Variants in POU2F3 observed in about 807,000 individuals in gnomAD.
POU2F3 encodes POU domain, class 2, transcription factor 3.
A neutral mutation model predicts 59.2 loss-of-function variants in POU2F3; 23 were observed. The ratio of observed to expected loss-of-function variants is 0.39; its 90% CI spans 0.28 to 0.55. POU2F3 has a LOEUF of 0.55. Among genes scored for constraint, POU2F3 ranks in the 20% least tolerant of loss-of-function variants. The pLI is 0.66. For synonymous variants in POU2F3, 190 were observed against 214.6 expected, an observed-to-expected ratio of 0.89 and a Z score of 1.00; for missense variants, 473 against 544.5, an observed-to-expected ratio of 0.87 and a Z score of 1.31.
chr11:120,289,450 A>G (rs1940943499), intron 3 of POU2F3, among the ~76,000 whole-genome samples: 1 of 152,150 alleles, frequency 6.6e-6, no homozygotes, highest in South Asian at 2.1e-4. Flanking sequence ...AACTAAAACT[A>G]AAATCTCACT....
At chr11:120,296,200 T>C (rs1941187599) in intron 3 of POU2F3, among the ~76,000 whole-genome samples, 1 of 152,206 alleles carries the variant, frequency 6.6e-6, no homozygotes, top group African/African-American at 2.4e-5. Context: ...CAGCATTCAA[T>C]GCACATCTTC....
intron 2 of POU2F3, among the ~76,000 whole-genome samples, chr11:120,257,722 A>G (rs2135160387): frequency 6.6e-6 from 1 of 152,254 alleles, no homozygotes; most frequent in East Asian, 1.9e-4. Context: ...CTCAGTGGTA[A>G]CACAGGATTT....
chr11:120,302,994 C>G (rs1941391431), intron 6 of POU2F3: 1 of 152,432 alleles, frequency 6.6e-6, no homozygotes, highest in African/African-American at 2.4e-5. Context: ...GCAGCATGAG[C>G]TGTATCTTAG....
chr11:120,294,194 T>C lies in POU2F3; in HGVS notation c.133-4071T>C, dbSNP rs11217798. On this transcript the variant is annotated intron_variant, in intron 3 of 12. Coordinates refer to ENST00000543440, the MANE Select transcript of POU2F3 (RefSeq NM_014352.4). ...AATCATCCCTGATACATTTTTACCT[T>C]CCTGGTCACTGCCCAAGACTCAGTG... 0.033 allele frequency among the ~76,000 whole-genome samples: 5,091 copies of C among 152,298 alleles called. 1,273 individuals carry two copies. In the East Asian group the frequency reaches 0.66, roughly 20 times the overall value.
At chr11:120,306,634 G>A (rs1019829839) in intron 8 of POU2F3, among the ~76,000 whole-genome samples, 2 of 152,148 alleles carry the variant, frequency 1.3e-5, no homozygotes, top group Non-Finnish European at 2.9e-5. Context: ...AGAACTGCCG[G>A]CCTAGGCAGA....
At chr11:120,260,824 T>A (rs191805452) in intron 2 of POU2F3, among the ~76,000 whole-genome samples, 137 of 152,174 alleles carry the variant, frequency 9.0e-4, no homozygotes, top group Non-Finnish European at 1.3e-3. Flanking sequence ...TCCCAGCACT[T>A]TGGGATGCCG....
chr11:120,236,691 T>C (rs189258763), upstream of POU2F3: 445 of 1,505,800 alleles, frequency 3.0e-4, no homozygotes, highest in African/African-American at 5.7e-3. Flanking sequence ...CTCCAAGAAC[T>C]GCTAAAGGAG....
At chr11:120,291,816 T>C (rs1261736045) in intron 3 of POU2F3, among the ~76,000 whole-genome samples, 3 of 150,380 alleles carry the variant, frequency 2.0e-5, no homozygotes, top group South Asian at 4.2e-4. Flanking sequence ...CTTTTTTCTT[T>C]TTTTTTTTTT....
Position 120,269,230 on chromosome 11 carries a change from G to C in POU2F3, c.118G>C (p.Asp40His), listed in dbSNP as rs772898591. 1.3e-6 allele frequency: 2 copies of C among 1,589,812 alleles called. No homozygotes were observed. Among genetic ancestry groups the C allele is most frequent in the African/African-American group, 1.3e-5 (1 of 74,426 alleles). ...TCTAGGAAATGATCGAAATGGCCTA[G>C]ATTTCAACAGGCAGGTAAGAACTTG... ...VEPGNDRNGLDFNRQIKTEDL... is the reference protein window; with the variant it reads ...VEPGNDRNGLHFNRQIKTEDL... The change falls in exon 3 of 13, where the codon GAT becomes CAT. Residue 40 changes from aspartate (D) to histidine (H), a missense_variant. Transcript: ENST00000543440.
At chr11:120,315,477 A>T (rs1156804476) in intron 11 of POU2F3, 50 bp downstream of exon 11, 2 of 1,542,376 alleles carry the variant, frequency 1.3e-6, no homozygotes, top group African/African-American at 2.7e-5. Flanking sequence ...CTTTTAAAAA[A>T]TGGGATATTA....
Position 120,316,028 on chromosome 11 carries a change from A to T in POU2F3, c.1135+601A>T, listed in dbSNP as rs900783794. ...ACTGGGATTACAGGCGTGTGCCACCACGCTCGGCTGATTTTTTGTATTTTT... is the reference window on the plus strand; with the variant it reads ...ACTGGGATTACAGGCGTGTGCCACCTCGCTCGGCTGATTTTTTGTATTTTT... On this transcript the variant is annotated intron_variant, in intron 11 of 12. Coordinates refer to ENST00000543440, the MANE Select transcript of POU2F3 (RefSeq NM_014352.4). 5.3e-5 allele frequency among the ~76,000 whole-genome samples: 8 copies of T among 151,928 alleles called. No homozygotes were observed. The South Asian group carries it at 1.7e-3, about 32-fold the overall frequency.
chr11:120,247,878 T>G (rs1285936984), intron 2 of POU2F3, among the ~76,000 whole-genome samples: 1 of 152,198 alleles, frequency 6.6e-6, no homozygotes, highest in African/African-American at 2.4e-5. Context: ...TGGGGCCCAT[T>G]GCCCAGGTGT....
intron 3 of POU2F3, among the ~76,000 whole-genome samples, chr11:120,290,754 A>G (rs1940990747): frequency 6.6e-6 from 1 of 152,222 alleles, no homozygotes; most frequent in Non-Finnish European, 1.5e-5. Flanking sequence ...TTCTTGAGCT[A>G]ATGCTCCTGT....
In POU2F3 at chr11:120,315,372, A is replaced by G; in HGVS notation, c.1080A>G (p.Ser360=). The stretch of plus-strand genomic sequence containing the variant: ...CTGTTGTTTTTCAGGTATCTCCCTC[A>G]GGGTCTCTGGGCCCCCTCTCTGTCC... ...PVYNSRLVSP[S]GSLGPLSVPP... The change falls in exon 11 of 13, where the codon TCA becomes TCG. Residue 360 remains serine, a synonymous_variant. Coordinates refer to ENST00000543440, the MANE Select transcript of POU2F3 (RefSeq NM_014352.4). 1 of 1,613,356 alleles carries G rather than the reference A, an allele frequency of 6.2e-7. No homozygotes were observed. Among genetic ancestry groups the G allele is most frequent in the Non-Finnish European group, 8.5e-7 (1 of 1,179,256 alleles).
intron 1 of POU2F3, among the ~76,000 whole-genome samples, chr11:120,241,046 G>C (rs1938642311): frequency 1.3e-5 from 2 of 152,156 alleles, no homozygotes; most frequent in African/African-American, 2.4e-5. Context: ...GGGCATGGAG[G>C]GAACCCAGCC....
At chr11:120,246,200 G>T (rs913642787) in intron 1 of POU2F3, among the ~76,000 whole-genome samples, 2 of 152,148 alleles carry the variant, frequency 1.3e-5, no homozygotes, top group African/African-American at 4.8e-5. Context: ...TGCAAAAGGT[G>T]AGAGACCCTG....
At chr11:120,300,198 A>G (rs1941307732) in intron 5 of POU2F3, among the ~76,000 whole-genome samples, 1 of 152,162 alleles carries the variant, frequency 6.6e-6, no homozygotes, top group African/African-American at 2.4e-5. Flanking sequence ...TTTCTTTGGC[A>G]GGGAAGTTAC....
intron 2 of POU2F3, among the ~76,000 whole-genome samples, chr11:120,251,923 T>C (rs2135142781): frequency 1.3e-5 from 2 of 150,128 alleles, no homozygotes; most frequent in South Asian, 4.4e-4. Flanking sequence ...GCCTCCCGAA[T>C]AGCTGGGATT....
chr11:120,317,505 A>G, intron 12 of POU2F3, 141 bp downstream of exon 12: 2 of 1,223,954 alleles, frequency 1.6e-6, no homozygotes, highest in African/African-American at 1.5e-5. Context: ...GGACAGAGTG[A>G]CAGCCAGACT....
Sources: allele counts gnomAD v4.1 joint callset (sites outside exome capture counted in the v4.1 genomes callset), GRCh38; gene constraint gnomAD v4.1.1; transcripts MANE v1.5; gene names NCBI Gene and HGNC (gene_info 2026-07-23, HGNC 2026-07-21).